REEP2: variants seen among roughly 807,000 people sequenced by gnomAD.
The protein encoded by REEP2 is receptor accessory protein 2, also known as receptor expression-enhancing protein 2.
REEP2 carries 9 observed loss-of-function variants against 32.1 expected under a neutral mutation model. The ratio of observed to expected loss-of-function variants is 0.28; its 90% CI spans 0.17 to 0.49. REEP2 has a LOEUF of 0.49. REEP2 is among the 20% of genes least tolerant of loss of function. The probability of loss-of-function intolerance (pLI) is 0.99; values close to 1 mark genes in which losing one functional copy is unlikely to be tolerated. For synonymous variants in REEP2, 128 were observed against 139.1 expected (o/e 0.92, Z 0.56); for missense variants, 236 against 338.0 (o/e 0.70, Z 2.37).
intron 3 of REEP2, among the ~76,000 whole-genome samples, chr5:138,442,318 C>T (rs1439045214): frequency 6.6e-6 from 1 of 152,086 alleles, no homozygotes; most frequent in African/African-American, 2.4e-5. Flanking sequence ...AGAATTTTAC[C>T]AAGGGGGAGA....
chr5:138,442,927 G>A (rs891826668), intron 3 of REEP2, among the ~76,000 whole-genome samples: 6 of 151,756 alleles, frequency 4.0e-5, no homozygotes, highest in African/African-American at 1.2e-4. Flanking sequence ...TTGGGAGGCT[G>A]AGACAGGAGA....
chr5:138,443,759 T>G (rs1327338595), intron 3 of REEP2: 1 of 152,116 alleles, frequency 6.6e-6, no homozygotes, highest in Non-Finnish European at 1.5e-5. Context: ...AGGCTGGTCT[T>G]GAACTCCTGG....
In REEP2 at chr5:138,445,484, G is replaced by T; in HGVS notation, c.582G>T (p.Leu194=). 6.2e-7 allele frequency: 1 copy of T among 1,614,170 alleles called. No individual in the cohort carries two copies. Among genetic ancestry groups the T allele is most frequent in the South Asian group, 1.1e-5 (1 of 91,084 alleles). The part of the protein sequence containing the change: ...TIEDLGDDPA[L]SLRSSTNPAD... ...TGCACCCAGGAGATGACCCTGCCCTGAGTCTAAGGTCCAGCACAAACCCGG... is the reference window on the plus strand; with the variant it reads ...TGCACCCAGGAGATGACCCTGCCCTTAGTCTAAGGTCCAGCACAAACCCGG... The change falls in exon 7 of 8, where the codon CTG becomes CTT. Residue 194 remains leucine, a synonymous_variant. Transcript: ENST00000378339.
At chr5:138,442,866 A>G (rs1191048882) in intron 3 of REEP2, among the ~76,000 whole-genome samples, 1 of 151,784 alleles carries the variant, frequency 6.6e-6, no homozygotes, top group African/African-American at 2.4e-5. Flanking sequence ...GTCTCAAAAA[A>G]AAAAAAAAAA....
Position 138,444,484 on chromosome 5 carries a change from C to T in REEP2, c.252C>T (p.Ser84=), listed in dbSNP as rs766974492. Reference sequence around the variant, plus strand: ...TGCTGTCCCCTTACACCAAGGGCTCCAGCGTGCTCTACCGCAAGTTCGTGC... The same window carrying T: ...TGCTGTCCCCTTACACCAAGGGCTCTAGCGTGCTCTACCGCAAGTTCGTGC... ...IWLLSPYTKG[S]SVLYRKFVHP... The change falls in exon 4 of 8, where the codon TCC becomes TCT. Residue 84 remains serine, a synonymous_variant. Coordinates refer to ENST00000378339, the MANE Select transcript of REEP2 (RefSeq NM_001271803.2). 8.4e-5 allele frequency: 136 copies of T among 1,614,024 alleles called. 1 individual carries two copies. In the Admixed American group the frequency reaches 2.2e-3, roughly 26 times the overall value.
In REEP2 at chr5:138,445,252, C is replaced by T; in HGVS notation, c.442C>T (p.Leu148Phe). Residue 148 changes from leucine (L) to phenylalanine (F), a missense_variant, in exon 6 of 8, where the codon CTC becomes TTC. Leu to Phe is a conservative substitution (Grantham distance 22, BLOSUM62 0). Transcript: ENST00000378339. Reference sequence around the variant, plus strand: ...GGGCCAGGGGGTGCTGTCAGAGAAGCTCCGCAGCTTCAGCATGCAGGACCT... The same window carrying T: ...GGGCCAGGGGGTGCTGTCAGAGAAGTTCCGCAGCTTCAGCATGCAGGACCT... ...AKGQGVLSEK[L>F]RSFSMQDLTL... is the part of the protein sequence containing the mutation. 1 of 1,611,796 alleles carries T rather than the reference C, an allele frequency of 6.2e-7. No homozygotes were observed. The highest frequency in any genetic ancestry group is 8.5e-7 in the Non-Finnish European group (1 of 1,179,054).
Position 138,441,147 on chromosome 5 carries a change from C to A in REEP2, c.105+59C>A, listed in dbSNP as rs1010696337. ...CACATGGCACAGAGAGGGGAGGGCA[C>A]TGGGTCCTATTACAGATGGGGGTGA... On this transcript the variant is annotated intron_variant, in intron 2 of 7. Transcript: ENST00000378339. This position sits in a 1 kb window ranked among gnomAD's most constrained non-coding sequence, Gnocchi z 4.4. 5 of 1,602,494 alleles carry A rather than the reference C, an allele frequency of 3.1e-6. No homozygotes were observed. The highest frequency in any genetic ancestry group is 4.3e-6 in the Non-Finnish European group (5 of 1,172,510).
At chr5:138,444,900 C>G (rs1238256074) in intron 5 of REEP2, 33 bp downstream of exon 5, 1 of 1,531,532 alleles carries the variant, frequency 6.5e-7, no homozygotes, top group Admixed American at 1.8e-5. Context: ...CTCCCAGGGC[C>G]CCTACCTTGT....
chr5:138,445,063 G>A (rs1396960607), intron 5 of REEP2, 165 bp from the exon 6 acceptor site: 1 of 873,386 alleles, frequency 1.1e-6, no homozygotes, highest in Non-Finnish European at 1.8e-6. Flanking sequence ...TGTCCCCAGA[G>A]GCAAAGTGTG....
In REEP2 at chr5:138,445,690, C is replaced by T; in HGVS notation, c.704C>T (p.Ala235Val). The T allele has an allele frequency of 6.2e-7, 1 of 1,614,152 alleles. No homozygotes were observed. Among genetic ancestry groups the T allele is most frequent in the African/African-American group, 1.3e-5 (1 of 75,052 alleles). ...TCCTCCTTCTTTCCACAGCCACTGG[C>T]TTCCAAGACACTGAAGACCCGGCCC... ...IKKAPKAEPL[A>V]SKTLKTRPKK... is the part of the protein sequence containing the mutation. Residue 235 changes from alanine to valine, a missense_variant, in exon 8 of 8, where the codon GCT becomes GTT. Ala to Val is a moderately conservative substitution (Grantham distance 64). Transcript: ENST00000378339.
rs750508403 is a variant in REEP2, at chr5:138,444,862, G to T, written c.412G>T (p.Ala138Ser). ...CGCCAATGCTGCAGTCACAGCTGCC[G>T]CCAAGGTGAGATGGGGGCAGGCTCA... Reference protein sequence around the residue: ...LAANAAVTAAAKGQGVLSEKL... With the variant: ...LAANAAVTAASKGQGVLSEKL... Residue 138 changes from alanine (A) to serine (S), a missense_variant, in exon 5 of 8, where the codon GCC (alanine) becomes TCC (serine). Ala to Ser is a moderately conservative substitution (Grantham distance 99). Coordinates refer to ENST00000378339, the MANE Select transcript of REEP2 (RefSeq NM_001271803.2). 5 of 1,609,922 alleles carry T rather than the reference G, an allele frequency of 3.1e-6. No homozygotes were observed. In the Admixed American group the frequency reaches 8.4e-5, roughly 27 times the overall value.
At position 138,445,710 on chromosome 5, in the gene REEP2, C is replaced by G; in HGVS notation, c.724C>G (p.Arg242Gly). 1.2e-6 allele frequency: 2 copies of G among 1,614,124 alleles called. No homozygotes were observed. The highest frequency in any genetic ancestry group is 1.7e-6 in the Non-Finnish European group (2 of 1,180,014). ...EPLASKTLKT[R>G]PKKKTSGGGD... ...ACTGGCTTCCAAGACACTGAAGACC[C>G]GGCCCAAGAAGAAGACCTCTGGCGG... The change falls in exon 8 of 8, where the codon CGG becomes GGG. Residue 242 changes from arginine (R) to glycine (G), a missense_variant. Arg to Gly is a moderately radical substitution (Grantham distance 125). Coordinates refer to ENST00000378339, the MANE Select transcript of REEP2 (RefSeq NM_001271803.2).
At chr5:138,442,941 G>C (rs1054155303) in intron 3 of REEP2, among the ~76,000 whole-genome samples, 1 of 151,668 alleles carries the variant, frequency 6.6e-6, no homozygotes, top group Non-Finnish European at 1.5e-5. Flanking sequence ...CAGGAGAATC[G>C]CTTGAACCCA....
In REEP2 at chr5:138,439,189, GC is replaced by G. The variant is rs1385893860; in HGVS notation, c.-19del. On this transcript the variant is annotated 5_prime_UTR_variant, in exon 1 of 8. Transcript: ENST00000378339. Reference sequence around the variant, plus strand: ...CTCGGCCGGGCCGGGTCCCCGCCCCGCGCCGCGCCCGGCCCCGCCATGGTGT... The same window carrying G: ...CTCGGCCGGGCCGGGTCCCCGCCCCGGCCGCGCCCGGCCCCGCCATGGTGT... The G allele has an allele frequency of 1.5e-6, 2 of 1,358,510 alleles. No homozygotes were observed. Among genetic ancestry groups the G allele is most frequent in the Non-Finnish European group, 1.9e-6 (2 of 1,057,656 alleles). The allele number at this position is 1,358,510 out of a possible 1,614,324, so 84.2% of individuals were successfully genotyped here. A position where few individuals can be genotyped will look rare whatever the true frequency, so the allele number is the denominator to read the frequency against.
Position 138,444,550 on chromosome 5 carries a change from T to C in REEP2, c.303+15T>C. 1 of 1,613,264 alleles carries C rather than the reference T, an allele frequency of 6.2e-7. No individual in the cohort carries two copies. Among genetic ancestry groups the C allele is most frequent in the Non-Finnish European group, 8.5e-7 (1 of 1,179,462 alleles). ...ACAAGGAGAAGGTTTGCCCCCACTC[T>C]CAGCTCACCTCCCAGCCTGCCCCCA... On this transcript the variant is annotated intron_variant, in intron 4 of 7. Transcript: ENST00000378339.
chr5:138,439,956 C>T, intron 1 of REEP2: 1 of 361,074 alleles, frequency 2.8e-6, no homozygotes, highest in Non-Finnish European at 5.5e-6. Flanking sequence ...TCCCCGGGCC[C>T]CAGGAGGGAA....
chr5:138,445,342 C>A lies in REEP2; in HGVS notation c.532C>A (p.Pro178Thr). The change falls in exon 6 of 8, where the codon CCT (proline) becomes ACT (threonine). Residue 178 changes from proline (P) to threonine (T), a missense_variant. By Grantham distance (38) the Pro-to-Thr change is conservative (BLOSUM62 -1). Transcript: ENST00000378339. ...GCCTGACGGCCGCCTCCGACCCAGC[C>A]CTGGCAGCCTCCTGGACACCATCGA... Reference protein sequence around the residue: ...QRPDGRLRPSPGSLLDTIEDL... With the variant: ...QRPDGRLRPSTGSLLDTIEDL... The A allele has an allele frequency of 6.2e-7, 1 of 1,613,484 alleles. No individual in the cohort carries two copies. The highest frequency in any genetic ancestry group is 1.1e-5 in the South Asian group (1 of 91,006).
Position 138,444,739 on chromosome 5 carries a change from C to T in REEP2, c.304-15C>T. The T allele has an allele frequency of 6.2e-7, 1 of 1,609,516 alleles. No homozygotes were observed. The highest frequency in any genetic ancestry group is 8.5e-7 in the Non-Finnish European group (1 of 1,176,162). ...CAGGACCTCTCCTCTTCTCCCTTCC[C>T]CTCCAATCCCATAGGAGATCGACGA... On this transcript the variant is annotated splice_polypyrimidine_tract_variant and intron_variant, in intron 4 of 7. Transcript: ENST00000378339.
chr5:138,444,653 G>C, intron 4 of REEP2, 101 bp from the exon 5 acceptor site: 1 of 1,558,536 alleles, frequency 6.4e-7, no homozygotes, highest in Non-Finnish European at 8.8e-7. Flanking sequence ...TGACTTGGCA[G>C]GGCTGCCGTG....
Sources: gnomAD v4.1 joint callset for allele counts (sites outside exome capture counted in the v4.1 genomes callset) on GRCh38, gnomAD v4.1.1 for gene constraint, Gnocchi (gnomAD v3.1) non-coding constraint, MANE v1.5 for transcripts, NCBI Gene and HGNC (gene_info 2026-07-23, HGNC 2026-07-21) for gene names.